The following FAR1 variants were observed in gnomAD, a reference collection of about 807,000 sequenced individuals.
The protein encoded by FAR1 is male sterility domain-containing protein 2.
In FAR1, 22 loss-of-function variants were observed where a neutral mutation model predicts 61.1. The observed-to-expected ratio is 0.36, with a 90% confidence interval of 0.26 to 0.51. FAR1 has a LOEUF of 0.51. Ranked by LOEUF, FAR1 falls within the 20% of genes least tolerant of loss-of-function variation. FAR1 has a pLI of 0.95. For synonymous variants in FAR1, 206 were observed against 209.7 expected (o/e 0.98, Z 0.15); for missense variants, 359 against 626.9 (o/e 0.57, Z 4.56).
intron 9 of FAR1, among the ~76,000 whole-genome samples, chr11:13,718,885 A>G (rs1229067013): frequency 6.6e-6 from 1 of 152,096 alleles, no homozygotes; most frequent in Admixed American, 6.6e-5. Flanking sequence ...CAGTAGTGTC[A>G]TACCCTCTCC....
intron 3 of FAR1, among the ~76,000 whole-genome samples, 155 bp from the exon 4 acceptor site, chr11:13,707,745 A>T (rs919704474): frequency 1.3e-5 from 2 of 152,048 alleles, no homozygotes; most frequent in Admixed American, 1.3e-4. Flanking sequence ...AACATTTAAT[A>T]TGGAAATAAA....
Position 13,695,768 on chromosome 11 carries a change from T to C in FAR1, c.189+814T>C, listed in dbSNP as rs958978568. Among the ~76,000 whole-genome samples the C allele has an allele frequency of 2.6e-5, 4 of 152,296 alleles. No individual in the cohort carries two copies. The South Asian group carries it at 8.3e-4, about 32-fold the overall frequency. On this transcript the variant is annotated intron_variant, in intron 2 of 11. Coordinates refer to ENST00000354817, the MANE Select transcript of FAR1 (RefSeq NM_032228.6). Reference sequence around the variant, plus strand: ...CTCTTCATAGCAACCAACCAGACTTTTGACTTTGAATGAACTTCATATACC... The same window carrying C: ...CTCTTCATAGCAACCAACCAGACTTCTGACTTTGAATGAACTTCATATACC...
intron 10 of FAR1, among the ~76,000 whole-genome samples, chr11:13,723,655 C>A (rs1482640297): frequency 1.3e-5 from 2 of 152,128 alleles, no homozygotes; most frequent in East Asian, 1.9e-4. Context: ...TGCCTCTTCA[C>A]TATTCTTATA....
rs559630021 is a variant in FAR1, at chr11:13,729,401, C to T, written c.*627C>T. 6.6e-6 allele frequency: 1 copy of T among 151,976 alleles called. No individual in the cohort carries two copies. Among genetic ancestry groups the T allele is most frequent in the South Asian group, 2.1e-4 (1 of 4,828 alleles). The allele number at this position is 151,976 out of a possible 1,614,324, so 9.4% of individuals were successfully genotyped here. A position where few individuals can be genotyped will look rare whatever the true frequency, so the allele number is the denominator to read the frequency against. On this transcript the variant is annotated 3_prime_UTR_variant, in exon 12 of 12. Transcript: ENST00000354817. ...ATAAGTAATCAGTTGCTTTTAAAATCAGAAGGCTATATTATTCTAATGACC... is the reference window on the plus strand; with the variant it reads ...ATAAGTAATCAGTTGCTTTTAAAATTAGAAGGCTATATTATTCTAATGACC...
chr11:13,680,365 A>G (rs543333342), intron 1 of FAR1, among the ~76,000 whole-genome samples: 1 of 152,258 alleles, frequency 6.6e-6, no homozygotes, highest in South Asian at 2.1e-4. Context: ...GTAGTTGGGC[A>G]CACAGTTGTG....
At chr11:13,670,181 C>G (rs1218766341) in intron 1 of FAR1, 1 of 151,606 alleles carries the variant, frequency 6.6e-6, no homozygotes, top group Non-Finnish European at 1.5e-5. Context: ...ATCTTTCCAC[C>G]GTGGCCTCTC....
chr11:13,725,062 A>C (rs1460822138), intron 10 of FAR1, among the ~76,000 whole-genome samples: 1 of 152,158 alleles, frequency 6.6e-6, no homozygotes, highest in Admixed American at 6.5e-5. Context: ...ACTTTATATA[A>C]ATGGTATTAT....
intron 5 of FAR1, 67 bp from the exon 6 acceptor site, chr11:13,711,697 C>T: frequency 8.2e-7 from 1 of 1,223,946 alleles, no homozygotes; most frequent in Non-Finnish European, 1.2e-6. Context: ...TTGTAGAGTT[C>T]AAATAATAAA....
chr11:13,703,397 T>C (rs182403360), intron 3 of FAR1, among the ~76,000 whole-genome samples: 246 of 146,062 alleles, frequency 1.7e-3, no homozygotes, highest in African/African-American at 5.6e-3. Context: ...AGTTACTCTT[T>C]ATAACTACTT....
At chr11:13,686,794 A>G (rs1188410937) in intron 1 of FAR1, 3 of 152,248 alleles carry the variant, frequency 2.0e-5, no homozygotes, top group Admixed American at 6.5e-5. Flanking sequence ...AATTAATGAA[A>G]CAACATGATT....
At chr11:13,672,996 G>A (rs540716513) in intron 1 of FAR1, among the ~76,000 whole-genome samples, 31 of 152,128 alleles carry the variant, frequency 2.0e-4, no homozygotes, top group Non-Finnish European at 4.3e-4. Context: ...TCTCATTAAT[G>A]GGTTTGCAAC....
chr11:13,717,986 A>G (rs1324721249), intron 9 of FAR1, among the ~76,000 whole-genome samples: 1 of 152,150 alleles, frequency 6.6e-6, no homozygotes, highest in Non-Finnish European at 1.5e-5. Flanking sequence ...CCAGCCTATT[A>G]GACGAAAGCC....
intron 1 of FAR1, among the ~76,000 whole-genome samples, chr11:13,693,304 C>T (rs977671011): frequency 1.3e-5 from 2 of 152,214 alleles, no homozygotes; most frequent in Non-Finnish European, 1.5e-5. Context: ...GCATTAAGGC[C>T]GGCAGCAGAG....
chr11:13,715,456 T>A (rs1848545859), intron 9 of FAR1, among the ~76,000 whole-genome samples: 1 of 152,144 alleles, frequency 6.6e-6, no homozygotes, highest in Non-Finnish European at 1.5e-5. Flanking sequence ...TGAGTTTGTA[T>A]AGGGGATTAA....
At chr11:13,725,914 CT>C (rs939408066) in intron 10 of FAR1, among the ~76,000 whole-genome samples, 1 of 150,238 alleles carries the variant, frequency 6.7e-6, no homozygotes, top group African/African-American at 2.4e-5. Context: ...GTTTTAAGTT[CT>C]TTTTTCTTTT....
At chr11:13,696,035 TAAAACC>T (rs1848303316) in intron 2 of FAR1, among the ~76,000 whole-genome samples, 1 of 152,174 alleles carries the variant, frequency 6.6e-6, no homozygotes, top group Admixed American at 6.5e-5. Flanking sequence ...TTGCTTCCCT[TAAAACC>T]TACAAGGAAA....
At chr11:13,703,016 C>G (rs1233450364) in intron 3 of FAR1, among the ~76,000 whole-genome samples, 1 of 152,202 alleles carries the variant, frequency 6.6e-6, no homozygotes, top group Non-Finnish European at 1.5e-5. Context: ...TCTATGTTCA[C>G]TGACCTAGCC....
chr11:13,693,695 T>A (rs1286593155), intron 1 of FAR1, among the ~76,000 whole-genome samples: 1 of 152,122 alleles, frequency 6.6e-6, no homozygotes, highest in African/African-American at 2.4e-5. Context: ...ATTATAGTCC[T>A]TTCCTGTCCT....
chr11:13,707,831 A>G (rs1197197347), intron 3 of FAR1, 69 bp from the exon 4 acceptor site: 26 of 1,175,542 alleles, frequency 2.2e-5, no homozygotes, highest in Non-Finnish European at 2.8e-5. Flanking sequence ...TCTAATGAAA[A>G]TGATATTTTT....
Sources: allele counts gnomAD v4.1 joint callset (sites outside exome capture counted in the v4.1 genomes callset), GRCh38; gene constraint gnomAD v4.1.1; transcripts MANE v1.5; gene names NCBI Gene and HGNC (gene_info 2026-07-23, HGNC 2026-07-21).